Variants in ROBO2 observed in about 807,000 individuals in gnomAD.
ROBO2 encodes the protein roundabout guidance receptor 2, also known as roundabout homolog 2.
Under a neutral mutation model 160.8 loss-of-function variants are expected in ROBO2, and 53 were observed. The observed-to-expected ratio is 0.33, with a 90% CI of 0.26 to 0.41. The LOEUF is 0.41. ROBO2 is among the 10% of genes least tolerant of loss of function. The pLI is 1.00. For synonymous variants in ROBO2, 664 were observed against 611.7 expected (o/e 1.09, Z -1.26); for missense variants, 1,577 against 1,722.4 (o/e 0.92, Z 1.49).
chr3:76,979,252 G>GC (rs2059968784), intron 2 of ROBO2, among the ~76,000 whole-genome samples: 1 of 151,860 alleles, frequency 6.6e-6, no homozygotes, highest in South Asian at 2.1e-4. Flanking sequence ...CCCAAGTGTA[G>GC]TTTTTTTTAC....
chr3:77,085,917 A>G lies in ROBO2; in HGVS notation c.62-12097A>G, dbSNP rs374528228. 2.0e-4 allele frequency among the ~76,000 whole-genome samples: 31 copies of G among 152,222 alleles called. No individual in the cohort carries two copies. The East Asian group carries it at 5.8e-3, about 28-fold the overall frequency. ...ATAATATTCCCATTCCTGTCATCTC[A>G]TAAGTCATGTTATTGTGCCCTCAAT... On this transcript the variant is annotated intron_variant, in intron 1 of 25. Transcript: ENST00000461745.
At position 77,258,562 on chromosome 3, in the gene ROBO2, T is replaced by A. The variant is rs7432626; in HGVS notation, c.388+160222T>A. On this transcript the variant is annotated intron_variant, in intron 2 of 25. Transcript: ENST00000461745. The stretch of plus-strand genomic sequence containing the variant: ...CGTTTGAACCCGGGAGGTTAAGACT[T>A]CAGTGAGCCGAGATCGCACCACTGC... Among the ~76,000 whole-genome samples, 171 of 150,318 alleles carry A rather than the reference T, an allele frequency of 1.1e-3. 3 individuals carry two copies. The South Asian group carries it at 0.017, about 15-fold the overall frequency.
chr3:76,828,485 A>G (rs1235069318), intron 2 of ROBO2, among the ~76,000 whole-genome samples: 2 of 152,082 alleles, frequency 1.3e-5, no homozygotes, highest in African/African-American at 2.4e-5. Flanking sequence ...TACAGTATGG[A>G]AAGAGAGTGA....
chr3:76,215,143 A>ACAC (rs1703420349), intron 2 of ROBO2, among the ~76,000 whole-genome samples: 1 of 152,224 alleles, frequency 6.6e-6, no homozygotes. Context: ...AAGGACATCC[A>ACAC]CACCAAAACC....
At chr3:76,324,181 G>A (rs552516108) in intron 2 of ROBO2, among the ~76,000 whole-genome samples, 39 of 152,026 alleles carry the variant, frequency 2.6e-4, no homozygotes, top group African/African-American at 9.2e-4. Context: ...AGGATGAAAC[G>A]GGGTTACTCA....
chr3:76,404,509 G>C (rs1474875369), intron 2 of ROBO2, among the ~76,000 whole-genome samples: 1 of 151,520 alleles, frequency 6.6e-6, no homozygotes, highest in Non-Finnish European at 1.5e-5. Flanking sequence ...AAGCTTAAGT[G>C]AACCAGACAT....
intron 23 of ROBO2, 70 bp from the exon 25 acceptor site, chr3:77,634,800 G>T: frequency 6.8e-7 from 1 of 1,461,408 alleles, no homozygotes; most frequent in Non-Finnish European, 9.6e-7. Context: ...TCATAGTGCA[G>T]AAATATAGGA....
chr3:75,928,116 C>G (rs1202839180), intron 1 of ROBO2, among the ~76,000 whole-genome samples: 2 of 151,600 alleles, frequency 1.3e-5, no homozygotes, highest in East Asian at 3.9e-4. Context: ...TCCCGAGTAG[C>G]TGGGATTACA....
intron 2 of ROBO2, among the ~76,000 whole-genome samples, chr3:76,879,814 C>T (rs904110866): frequency 2.6e-5 from 4 of 152,014 alleles, no homozygotes; most frequent in African/African-American, 7.2e-5. Context: ...CTAAACTGTT[C>T]GTTATCTGTC....
chr3:76,402,856 C>G (rs2077917290), intron 2 of ROBO2, among the ~76,000 whole-genome samples: 1 of 151,628 alleles, frequency 6.6e-6, no homozygotes, highest in South Asian at 2.1e-4. Context: ...TGGGCTCACC[C>G]AGATAATTCA....
intron 2 of ROBO2, among the ~76,000 whole-genome samples, chr3:76,320,189 T>C (rs1230388793): frequency 3.9e-5 from 6 of 152,126 alleles, no homozygotes. Flanking sequence ...AAAACAACAA[T>C]AAAACTTTAT....
Position 77,580,128 on chromosome 3 carries a change from A to C in ROBO2, c.2500+10A>C. 1.9e-6 allele frequency: 3 copies of C among 1,613,414 alleles called. No individual in the cohort carries two copies. Among genetic ancestry groups the C allele is most frequent in the Non-Finnish European group, 2.5e-6 (3 of 1,179,426 alleles). ...CAGCCAATAATAATCGGTGAGTATC[A>C]AACTATGTGGTCTGTGCTTTAGAAT... On this transcript the variant is annotated intron_variant, in intron 16 of 25. Transcript: ENST00000461745.
intron 2 of ROBO2, among the ~76,000 whole-genome samples, chr3:76,989,097 A>G (rs1257701588): frequency 1.3e-5 from 2 of 152,172 alleles, no homozygotes; most frequent in Admixed American, 6.5e-5. Flanking sequence ...ATTCTTATCT[A>G]TACTGATCAA....
At chr3:77,618,065 C>G (rs1308059960) in intron 22 of ROBO2, 1 of 417,800 alleles carries the variant, frequency 2.4e-6, no homozygotes, top group East Asian at 5.1e-5. Context: ...GTATTTCAGG[C>G]TAAAGTGCTC....
rs200989979 is a variant in ROBO2 at position 77,588,722 on chromosome 3, A to T, written c.2501-29A>T. The T allele has an allele frequency of 6.2e-6, 10 of 1,602,992 alleles. No homozygotes were observed. In the African/African-American group the frequency reaches 1.3e-4, roughly 22 times the overall value. On this transcript the variant is annotated intron_variant, in intron 16 of 25. Coordinates refer to ENST00000461745, the Ensembl canonical transcript of ROBO2. ...TTCCTGTGCTTATTTTCGTTTTAAT[A>T]TATACTAATACTATGGTTTTTTCCA...
intron 2 of ROBO2, among the ~76,000 whole-genome samples, chr3:76,551,334 G>A (rs978152791): frequency 6.6e-6 from 1 of 152,050 alleles, no homozygotes; most frequent in Admixed American, 6.5e-5. Flanking sequence ...TACCCATCAG[G>A]ACAACCTGCC....
intron 2 of ROBO2, among the ~76,000 whole-genome samples, chr3:77,230,096 G>GTTTTTTTTTTTTTTTTTTTTTTTTTTTTT (rs531019924): frequency 6.8e-6 from 1 of 146,596 alleles, no homozygotes; most frequent in African/African-American, 2.5e-5. Context: ...ATGCTAGACA[G>GTTTTTTTTTTTTTTTTTTTTTTTTTTTTT]TTTTTTTTTT....
At chr3:76,831,363 C>T (rs1175758698) in intron 2 of ROBO2, among the ~76,000 whole-genome samples, 1 of 152,170 alleles carries the variant, frequency 6.6e-6, no homozygotes, top group Non-Finnish European at 1.5e-5. Context: ...AAACACATTA[C>T]TGATTTGATA....
intron 1 of ROBO2, among the ~76,000 whole-genome samples, chr3:77,066,494 C>G (rs1283770759): frequency 6.6e-6 from 1 of 151,842 alleles, no homozygotes; most frequent in Non-Finnish European, 1.5e-5. Flanking sequence ...AATGTGTTAT[C>G]AATTAGAAAA....
Sources: allele counts gnomAD v4.1 joint callset (sites outside exome capture counted in the v4.1 genomes callset), GRCh38; gene constraint gnomAD v4.1.1; transcripts MANE v1.5; gene names NCBI Gene and HGNC (gene_info 2026-07-23, HGNC 2026-07-21).